The following SLC9A3 variants were observed in gnomAD, a reference collection of about 807,000 sequenced individuals.
The protein encoded by SLC9A3 is sodium/hydrogen exchanger 3.
Under a neutral mutation model 86.8 loss-of-function variants are expected in SLC9A3, and 37 were observed. That is an observed-to-expected ratio of 0.43 (90% CI 0.33 to 0.56). SLC9A3 has a LOEUF of 0.56. Among genes scored for constraint, SLC9A3 ranks in the 20% least tolerant of loss-of-function variants. The pLI is 0.06. For missense variants in SLC9A3, 1,011 were observed against 1,171.9 expected (o/e 0.86, Z 2.00); for synonymous variants, 581 against 528.3 (o/e 1.10, Z -1.37).
intron 1 of SLC9A3, among the ~76,000 whole-genome samples, chr5:493,152 G>A (rs528375170): frequency 4.0e-5 from 6 of 151,432 alleles, no homozygotes; most frequent in African/African-American, 7.3e-5. Flanking sequence ...TCCTGCGCTC[G>A]GCCTGATTTC....
At chr5:521,786 C>G (rs577121075) in intron 1 of SLC9A3, among the ~76,000 whole-genome samples, 3 of 152,110 alleles carry the variant, frequency 2.0e-5, no homozygotes, top group African/African-American at 7.2e-5. Flanking sequence ...GAACACAGGT[C>G]GTGCACCTGA....
At chr5:478,851 TC>T (rs1738956053) in intron 10 of SLC9A3, 2 of 154,652 alleles carry the variant, frequency 1.3e-5, no homozygotes, top group African/African-American at 4.8e-5. Context: ...GAGCCCTCCT[TC>T]CTGATCTGCA....
Position 524,263 on chromosome 5 carries a change from G to T in SLC9A3, c.60C>A (p.Gly20=), listed in dbSNP as rs1183070018. 2 of 1,385,488 alleles carry T rather than the reference G, an allele frequency of 1.4e-6. No individual in the cohort carries two copies. The highest frequency in any genetic ancestry group is 1.9e-6 in the Non-Finnish European group (2 of 1,067,396). The allele number at this position is 1,385,488 out of a possible 1,614,324, so 85.8% of individuals were successfully genotyped here. The change falls in exon 1 of 17, where the codon GGC becomes GGA. Residue 20 remains glycine, a synonymous_variant. Transcript: ENST00000264938. ...CGACGCCCCCGGCCCGCGCCAGCCCGCCCAGCGCCAGCGCCAGCAGCAGCC... is the reference window on the plus strand; with the variant it reads ...CGACGCCCCCGGCCCGCGCCAGCCCTCCCAGCGCCAGCGCCAGCAGCAGCC... ...DRGLLLALAL[G]GLARAGGVEV...
intron 3 of SLC9A3, 86 bp downstream of exon 3, chr5:488,229 TC>T: frequency 1.4e-6 from 2 of 1,461,484 alleles, no homozygotes; most frequent in African/African-American, 1.4e-5. Flanking sequence ...TTTCACGCCC[TC>T]CTTTGCTGAC....
chr5:475,454 ACCCCACCC>A, intron 15 of SLC9A3, 99 bp downstream of exon 15: 2 of 704,550 alleles, frequency 2.8e-6, no homozygotes, highest in Middle Eastern at 3.9e-4. Flanking sequence ...CCCACAGGAG[ACCCCACCC>A]CCCCAGGTCC....
At chr5:519,253 G>A (rs1261358192) in intron 1 of SLC9A3, among the ~76,000 whole-genome samples, 2 of 152,148 alleles carry the variant, frequency 1.3e-5, no homozygotes, top group Non-Finnish European at 2.9e-5. Context: ...GGGTCCCCTG[G>A]GGACTTTGCT....
chr5:472,192 G>A lies in SLC9A3; in HGVS notation c.*1187C>T. 5.5e-6 allele frequency: 2 copies of A among 363,972 alleles called. 1 individual carries two copies. The highest frequency in any genetic ancestry group is 4.1e-5 in the South Asian group (2 of 48,616). 22.5% of individuals were successfully genotyped at this position (363,972 alleles called of 1,614,324 possible). ...ATGGACTGTGCCTCCCAGAGCTTGG[G>A]CTGGATGGTCTCCCTGCAGAGGACC... is the stretch of plus-strand genomic sequence containing the variant. On this transcript the variant is annotated 3_prime_UTR_variant, in exon 17 of 17. Coordinates refer to ENST00000264938, the MANE Select transcript of SLC9A3 (RefSeq NM_004174.4).
chr5:475,722 C>T, intron 14 of SLC9A3, 51 bp from the exon 15 acceptor site: 3 of 1,012,580 alleles, frequency 3.0e-6, no homozygotes, highest in Non-Finnish European at 4.6e-6. Flanking sequence ...GGGCTGTCCT[C>T]ACAGCCCAGT....
Position 477,358 on chromosome 5 carries a change from G to A in SLC9A3, c.1734C>T (p.Thr578=), listed in dbSNP as rs761609631. The A allele has an allele frequency of 6.8e-6, 11 of 1,611,866 alleles. No homozygotes were observed. In the South Asian group the frequency reaches 7.7e-5, roughly 11 times the overall value. The change falls in exon 11 of 17, where the codon ACC becomes ACT. Residue 578 remains threonine (T), a synonymous_variant. Coordinates refer to ENST00000264938, the MANE Select transcript of SLC9A3 (RefSeq NM_004174.4). ...VNVDFTPRSS[T]VEASVSYLLR... ...GGAGGTAGGAGACAGAGGCCTCCAC[G>A]GTGGACGATCGTGGCGTGAAGTCCA...
chr5:487,766 C>T (rs1255287296), intron 3 of SLC9A3, among the ~76,000 whole-genome samples: 1 of 152,260 alleles, frequency 6.6e-6, no homozygotes, highest in Non-Finnish European at 1.5e-5. Context: ...CTCCTGGTTT[C>T]AGGTGATTCT....
intron 10 of SLC9A3, chr5:479,052 T>A (rs918681700): frequency 6.5e-6 from 1 of 153,132 alleles, no homozygotes; most frequent in Admixed American, 6.5e-5. Context: ...CTGCAGGGTT[T>A]GGCAGGACAG....
In SLC9A3 at chr5:497,322, G is replaced by GC. The variant is rs1173059944; in HGVS notation, c.212-5252dup. Among the ~76,000 whole-genome samples the GC allele has an allele frequency of 6.6e-6, 1 of 152,046 alleles. No homozygotes were observed. Among genetic ancestry groups the GC allele is most frequent in the Non-Finnish European group, 1.5e-5 (1 of 68,004 alleles). On this transcript the variant is annotated intron_variant, in intron 1 of 16. Coordinates refer to ENST00000264938, the MANE Select transcript of SLC9A3 (RefSeq NM_004174.4). The surrounding 1 kb of genome is among the most constrained non-coding windows in gnomAD (Gnocchi z 5.4). ...ATTCCCTCCAGGTGCAGGAGTCGAC[G>GC]CCCCCCACTGCCCTCGAAACCTGGT... is the stretch of plus-strand genomic sequence containing the variant.
chr5:486,992 GCAC>G (rs1739509827), intron 3 of SLC9A3, among the ~76,000 whole-genome samples: 5 of 20,104 alleles, frequency 2.5e-4, no homozygotes, highest in Middle Eastern at 0.025. Flanking sequence ...GACACCCACC[GCAC>G]TGACACCGTG....
At chr5:502,119 G>A (rs370135795) in intron 1 of SLC9A3, among the ~76,000 whole-genome samples, 14 of 152,324 alleles carry the variant, frequency 9.2e-5, no homozygotes, top group Middle Eastern at 3.4e-3. Context: ...CATGAATGTT[G>A]CCCACGGTTC....
In SLC9A3 at chr5:475,548, GC is replaced by G; in HGVS notation, c.2251+12del. ...CCCCTCCCTTAGCCACGACGCCTGTGCCCCGTCCCCACCTGCAGGGGAGTCG... is the reference window on the plus strand; with the variant it reads ...CCCCTCCCTTAGCCACGACGCCTGTGCCCGTCCCCACCTGCAGGGGAGTCG... On this transcript the variant is annotated intron_variant, in intron 15 of 16. Transcript: ENST00000264938. 1 of 1,493,260 alleles carries G rather than the reference GC, an allele frequency of 6.7e-7. No homozygotes were observed. Among genetic ancestry groups the G allele is most frequent in the Non-Finnish European group, 9.1e-7 (1 of 1,094,180 alleles). The allele number at this position is 1,493,260 out of a possible 1,614,324, so 92.5% of individuals were successfully genotyped here.
chr5:506,075 T>C (rs946257146), intron 1 of SLC9A3, among the ~76,000 whole-genome samples: 2 of 152,028 alleles, frequency 1.3e-5, no homozygotes, highest in Non-Finnish European at 2.9e-5. Flanking sequence ...GGAATTCTTT[T>C]GTGCAGGTAG....
intron 1 of SLC9A3, among the ~76,000 whole-genome samples, chr5:509,063 G>C (rs1442534055): frequency 6.7e-6 from 1 of 149,648 alleles, no homozygotes; most frequent in East Asian, 2.0e-4. Flanking sequence ...AGCTGAGATC[G>C]CACCACTGCA....
intron 1 of SLC9A3, among the ~76,000 whole-genome samples, chr5:499,857 T>C (rs116247105): frequency 0.016 from 2,458 of 152,324 alleles, 54 homozygotes; most frequent in African/African-American, 0.055. Context: ...CCAGCCCCTC[T>C]GTAGGGGCCA....
intron 1 of SLC9A3, among the ~76,000 whole-genome samples, chr5:508,614 G>A (rs930842401): frequency 6.8e-6 from 1 of 147,818 alleles, no homozygotes; most frequent in Non-Finnish European, 1.5e-5. Flanking sequence ...GCAGCCCATA[G>A]CGCGCCTGGG....
Sources: gnomAD v4.1 joint callset for allele counts (sites outside exome capture counted in the v4.1 genomes callset) on GRCh38, gnomAD v4.1.1 for gene constraint, Gnocchi (gnomAD v3.1) non-coding constraint, MANE v1.5 for transcripts, NCBI Gene and HGNC (gene_info 2026-07-23, HGNC 2026-07-21) for gene names.